DCLRE1A: variants seen among roughly 807,000 people sequenced by gnomAD.
DCLRE1A encodes the protein DNA cross-link repair 1A protein.
A neutral mutation model predicts 91.9 loss-of-function variants in DCLRE1A; 64 were observed. That is an observed-to-expected ratio of 0.70 (90% confidence interval 0.57 to 0.86). DCLRE1A has a LOEUF of 0.86. DCLRE1A is among the 40% of genes least tolerant of loss of function. DCLRE1A has a pLI of 0.00. For missense variants in DCLRE1A, 1,145 were observed against 1,213.3 expected (o/e 0.94, Z 0.84); for synonymous variants, 416 against 431.1 (o/e 0.96, Z 0.43).
In DCLRE1A at chr10:113,853,024, T is replaced by C; in HGVS notation, c.159A>G (p.Arg53=). Residue 53 remains arginine, a synonymous_variant, in exon 1 of 9, where the codon AGA becomes AGG. Coordinates refer to ENST00000361384, the MANE Select transcript of DCLRE1A (RefSeq NM_014881.5). ...YQSKRSRNRK[R]AAEAKEVKDH... Reference sequence around the variant, plus strand: ...CCTTCACCTCTTTAGCTTCTGCGGCTCTTTTTCTGTTTCTACTCCGTTTTG... The same window carrying C: ...CCTTCACCTCTTTAGCTTCTGCGGCCCTTTTTCTGTTTCTACTCCGTTTTG... 6.2e-7 allele frequency: 1 copy of C among 1,613,976 alleles called. No individual in the cohort carries two copies. The highest frequency in any genetic ancestry group is 2.2e-5 in the East Asian group (1 of 44,890).
chr10:113,853,016 T>C lies in DCLRE1A; in HGVS notation c.167A>G (p.Glu56Gly). The change falls in exon 1 of 9, where the codon GAA becomes GGA. Residue 56 changes from glutamate to glycine, a missense_variant. Physicochemically the swap from Glu to Gly is moderately conservative, Grantham distance 98. Transcript: ENST00000361384. ...KRSRNRKRAAEAKEVKDHEVP... is the reference protein window; with the variant it reads ...KRSRNRKRAAGAKEVKDHEVP... ...TTCATGGTCCTTCACCTCTTTAGCT[T>C]CTGCGGCTCTTTTTCTGTTTCTACT... The C allele has an allele frequency of 1.2e-6, 2 of 1,613,996 alleles. No homozygotes were observed. Among genetic ancestry groups the C allele is most frequent in the South Asian group, 1.1e-5 (1 of 90,998 alleles).
intron 5 of DCLRE1A, 71 bp from the exon 6 acceptor site, chr10:113,842,559 T>C: frequency 6.8e-7 from 1 of 1,469,224 alleles, no homozygotes; most frequent in Non-Finnish European, 9.2e-7. Flanking sequence ...GGATGCTATT[T>C]TAGAAAACAA....
intron 2 of DCLRE1A, 77 bp downstream of exon 2, chr10:113,848,903 A>G: frequency 7.3e-7 from 1 of 1,375,366 alleles, no homozygotes; most frequent in Non-Finnish European, 1.0e-6. Context: ...ACACACACAC[A>G]CACACAATGG....
chr10:113,848,704 C>T (rs554285693), intron 2 of DCLRE1A, among the ~76,000 whole-genome samples: 2 of 152,278 alleles, frequency 1.3e-5, no homozygotes, highest in South Asian at 4.1e-4. Context: ...CTATTCCTCT[C>T]TTACTAATCT....
intron 1 of DCLRE1A, among the ~76,000 whole-genome samples, chr10:113,852,389 TATAAA>T (rs1375046895): frequency 6.6e-6 from 1 of 152,246 alleles, no homozygotes; most frequent in Admixed American, 6.5e-5. Context: ...AACTTTCATC[TATAAA>T]ATGTCAATAC....
At chr10:113,835,481 GAAT>G (rs1372335360) in intron 8 of DCLRE1A, among the ~76,000 whole-genome samples, 169 bp from the exon 9 acceptor site, 3 of 152,186 alleles carry the variant, frequency 2.0e-5, no homozygotes, top group Admixed American at 2.0e-4. Context: ...TATCTTTTAT[GAAT>G]AATAAAGATT....
Position 113,850,460 on chromosome 10 carries a change from C to T in DCLRE1A, c.645G>A (p.Ser215=), listed in dbSNP as rs756443072. The change falls in exon 2 of 9, where the codon TCG becomes TCA. Residue 215 remains serine (S), a synonymous_variant. Transcript: ENST00000361384. ...VLCSLEERWS[S]YQNQTDNSVS... ...CCGAGTTATCAGTTTGGTTCTGATACGAAGACCATCTTTCCTCAAGGCTAC... is the reference window on the plus strand; with the variant it reads ...CCGAGTTATCAGTTTGGTTCTGATATGAAGACCATCTTTCCTCAAGGCTAC... 41 of 1,614,112 alleles carry T rather than the reference C, an allele frequency of 2.5e-5. No homozygotes were observed. The highest frequency in any genetic ancestry group is 5.5e-5 in the South Asian group (5 of 91,082).
chr10:113,849,680 C>A lies in DCLRE1A; in HGVS notation c.1425G>T (p.Gly475=). ...TTTGGGTTGGTTGGGAAGAAAGATA[C>A]CCTTCTACCTGACTTTCAAAAGGTT... The part of the protein sequence containing the change: ...MLKPFESQVE[G]YLSSQPTQNT... The change falls in exon 2 of 9, where the codon GGG becomes GGT. Residue 475 remains glycine (G), a synonymous_variant. Transcript: ENST00000361384. 6.2e-7 allele frequency: 1 copy of A among 1,614,118 alleles called. No individual in the cohort carries two copies. The highest frequency in any genetic ancestry group is 1.3e-5 in the African/African-American group (1 of 75,040).
At chr10:113,842,626 A>C in intron 5 of DCLRE1A, 138 bp from the exon 6 acceptor site, 291 of 656,610 alleles carry the variant, frequency 4.4e-4, no homozygotes, top group Non-Finnish European at 5.5e-4. Context: ...AAGTTATCTC[A>C]CTGCCTGTGG....
rs1845377470 is a variant in DCLRE1A, at chr10:113,837,276, G to A, written c.2821-73C>T. 1.0e-5 allele frequency: 14 copies of A among 1,397,242 alleles called. No individual in the cohort carries two copies. The Admixed American group carries it at 1.7e-4, about 17-fold the overall frequency. 86.6% of individuals were successfully genotyped at this position (1,397,242 alleles called of 1,614,324 possible). ...GGAATAAAACAGACTGATTAAAGAT[G>A]TTATACTGGCACAGGCATGGGGAGT... is the stretch of plus-strand genomic sequence containing the variant. On this transcript the variant is annotated intron_variant, in intron 7 of 8. Transcript: ENST00000361384.
rs746853058 is a variant in DCLRE1A at position 113,844,272 on chromosome 10, A to G, written c.2379-28T>C. ...GAACACAAATGTCAAAGGAATGTTC[A>G]TAACACAGGCAAGCACCTAAAGGAA... On this transcript the variant is annotated intron_variant, in intron 4 of 8. Transcript: ENST00000361384. 1.8e-5 allele frequency: 29 copies of G among 1,612,264 alleles called. No individual in the cohort carries two copies. The East Asian group carries it at 3.8e-4, about 21-fold the overall frequency.
At position 113,842,418 on chromosome 10, in the gene DCLRE1A, C is replaced by G; in HGVS notation, c.2590G>C (p.Glu864Gln). The change falls in exon 6 of 9, where the codon GAG (glutamate) becomes CAG (glutamine). Residue 864 changes from glutamate (E) to glutamine (Q), a missense_variant. Glu to Gln is a conservative substitution (Grantham distance 29). Transcript: ENST00000361384. ...VIRFAINTAF[E>Q]AVTLNPHALV... ...GCATGTGGGTTTAGAGTTACAGCCT[C>G]AAAGGCAGTGTTGATGGCAAACCGG... 6.2e-7 allele frequency: 1 copy of G among 1,613,884 alleles called. No individual in the cohort carries two copies. The highest frequency in any genetic ancestry group is 8.5e-7 in the Non-Finnish European group (1 of 1,179,830).
At chr10:113,843,746 C>T (rs551960656) in intron 5 of DCLRE1A, among the ~76,000 whole-genome samples, 8 of 152,194 alleles carry the variant, frequency 5.3e-5, no homozygotes, top group Non-Finnish European at 1.0e-4. Flanking sequence ...AACAGAATCA[C>T]ATTTTGACCT....
rs770952092 is a variant in DCLRE1A, at chr10:113,852,954, C to A, written c.229G>T (p.Ala77Ser). The change falls in exon 1 of 9, where the codon GCT (alanine) becomes TCT (serine). Residue 77 changes from alanine (A) to serine (S), a missense_variant. By Grantham distance (99) the Ala-to-Ser change is moderately conservative. Transcript: ENST00000361384. ...LGNAGCQTSV[A>S]SSQNSSCGDG... Reference sequence around the variant, plus strand: ...CCACAACTTGAATTCTGACTAGAAGCAACAGAAGTCTGACAACCTGCATTT... The same window carrying A: ...CCACAACTTGAATTCTGACTAGAAGAAACAGAAGTCTGACAACCTGCATTT... The A allele has an allele frequency of 2.0e-5, 32 of 1,614,078 alleles. No individual in the cohort carries two copies. Among genetic ancestry groups the A allele is most frequent in the Non-Finnish European group, 2.5e-5 (29 of 1,180,036 alleles).
At position 113,836,977 on chromosome 10, in the gene DCLRE1A, T is replaced by G. The variant is rs1845371012; in HGVS notation, c.2962+85A>C. ...TATTAAATTCTTTGGTGCCTGTTTT[T>G]GTTGGATTTGAACCTTATTACATTT... On this transcript the variant is annotated intron_variant, in intron 8 of 8. Coordinates refer to ENST00000361384, the MANE Select transcript of DCLRE1A (RefSeq NM_014881.5). 14 of 1,218,308 alleles carry G rather than the reference T, an allele frequency of 1.1e-5. No homozygotes were observed. The South Asian group carries it at 2.4e-4, about 21-fold the overall frequency. The allele number at this position is 1,218,308 out of a possible 1,614,324, so 75.5% of individuals were successfully genotyped here. A position where few individuals can be genotyped will look rare whatever the true frequency, so the allele number is the denominator to read the frequency against.
Position 113,847,270 on chromosome 10 carries a change from T to C in DCLRE1A, c.2191A>G (p.Thr731Ala). 1.9e-6 allele frequency: 3 copies of C among 1,614,004 alleles called. No homozygotes were observed. The highest frequency in any genetic ancestry group is 1.7e-5 in the Admixed American group (1 of 60,010). ...GCATAATGATCAGAATGAAAATGTG[T>C]GAGAAAATAGGCTGTGCAACCTTCA... ...VVEGCTAYFL[T>A]HFHSDHYAGL... Residue 731 changes from threonine (T) to alanine (A), a missense_variant, in exon 3 of 9, where the codon ACA (threonine) becomes GCA (alanine). Coordinates refer to ENST00000361384, the MANE Select transcript of DCLRE1A (RefSeq NM_014881.5).
chr10:113,845,819 T>C lies in DCLRE1A; in HGVS notation c.2260-16A>G, dbSNP rs1273223063. The C allele has an allele frequency of 6.3e-7, 1 of 1,581,532 alleles. No homozygotes were observed. Among genetic ancestry groups the C allele is most frequent in the Admixed American group, 1.7e-5 (1 of 60,002 alleles). On this transcript the variant is annotated splice_polypyrimidine_tract_variant and intron_variant, in intron 3 of 8. Coordinates refer to ENST00000361384, the MANE Select transcript of DCLRE1A (RefSeq NM_014881.5). ...TGCCAGTTATCTGCAAAACAGGACG[T>C]GCTTATTGCTGATGCAGTAAAACAC... is the stretch of plus-strand genomic sequence containing the variant.
At chr10:113,847,903 T>C (rs1845565755) in intron 2 of DCLRE1A, among the ~76,000 whole-genome samples, 1 of 152,218 alleles carries the variant, frequency 6.6e-6, no homozygotes, top group African/African-American at 2.4e-5. Flanking sequence ...AATACTGTTC[T>C]AAAATGTGCT....
intron 7 of DCLRE1A, among the ~76,000 whole-genome samples, chr10:113,840,836 CGTTA>C (rs1212013436): frequency 6.6e-6 from 1 of 152,082 alleles, no homozygotes; most frequent in African/African-American, 2.4e-5. Flanking sequence ...ATGGAATAAA[CGTTA>C]GTTAGTATAT....
Sources: allele counts gnomAD v4.1 joint callset (sites outside exome capture counted in the v4.1 genomes callset), GRCh38; gene constraint gnomAD v4.1.1; transcripts MANE v1.5; gene names NCBI Gene and HGNC (gene_info 2026-07-23, HGNC 2026-07-21).